Variants in SLC48A1 observed in about 807,000 individuals in gnomAD.
SLC48A1 encodes the protein solute carrier family 48 member 1, also known as heme transporter HRG1.
Under a neutral mutation model 14.8 loss-of-function variants are expected in SLC48A1, and 6 were observed. The observed-to-expected ratio is 0.41, with a 90% confidence interval of 0.22 to 0.80. The LOEUF (loss-of-function observed/expected upper bound fraction) is 0.80. Ranked by LOEUF, SLC48A1 falls within the 30% of genes least tolerant of loss-of-function variation. The pLI, the probability that SLC48A1 is intolerant of heterozygous loss-of-function variation, is 0.34. For missense variants in SLC48A1, 165 were observed against 204.8 expected (o/e 0.81, Z 1.19); for synonymous variants, 89 against 90.0 (o/e 0.99, Z 0.06).
chr12:47,773,289 C>T lies in SLC48A1; in HGVS notation c.-16C>T. 7.1e-7 allele frequency: 1 copy of T among 1,411,778 alleles called. No homozygotes were observed. The highest frequency in any genetic ancestry group is 9.3e-7 in the Non-Finnish European group (1 of 1,078,530). The allele number at this position is 1,411,778 out of a possible 1,614,324, so 87.5% of individuals were successfully genotyped here. A position where few individuals can be genotyped will look rare whatever the true frequency, so the allele number is the denominator to read the frequency against. ...TCGGCCGCGCTCGCCCTCGGCCCGC[C>T]CGGCGCCGCAGCCCCATGGCCCCGT... On this transcript the variant is annotated 5_prime_UTR_variant, in exon 1 of 3. Transcript: ENST00000442218.
At chr12:47,762,692 T>C (rs959763055) in intron 2 of SLC48A1, among the ~76,000 whole-genome samples, 18 of 152,192 alleles carry the variant, frequency 1.2e-4, no homozygotes, top group African/African-American at 3.9e-4. Flanking sequence ...GAAGTAACTT[T>C]CCCAAGGTCA....
At chr12:47,763,757 A>T (rs1565776506) in intron 2 of SLC48A1, among the ~76,000 whole-genome samples, 1 of 152,142 alleles carries the variant, frequency 6.6e-6, no homozygotes, top group Non-Finnish European at 1.5e-5. Flanking sequence ...GATGGGAGGG[A>T]GAGGAGGGAT....
In SLC48A1 at chr12:47,779,178, C is replaced by G. The variant is rs1350088449; in HGVS notation, c.287C>G (p.Ala96Gly). 6.4e-7 allele frequency: 1 copy of G among 1,551,400 alleles called. No homozygotes were observed. The highest frequency in any genetic ancestry group is 1.4e-5 in the African/African-American group (1 of 73,032). ...IAAFCTFLVL[A>G]ITRHQSLTDP... ...GCCTTCTGCACCTTCCTCGTGCTGG[C>G]CATCACCCGGCATCAGAGTGAGGGC... The change falls in exon 2 of 3, where the codon GCC becomes GGC. Residue 96 changes from alanine to glycine, a missense_variant. By Grantham distance (60) the Ala-to-Gly change is moderately conservative. Coordinates refer to ENST00000442218, the MANE Select transcript of SLC48A1 (RefSeq NM_017842.3).
At chr12:47,757,967 G>T (rs992060593), upstream of SLC48A1, 3 of 1,563,464 alleles carry the variant, frequency 1.9e-6, no homozygotes, top group Non-Finnish European at 2.6e-6. Context: ...ATGTTGAGTA[G>T]TGTCCCCTCC....
chr12:47,761,812 A>G (rs1232513074), intron 2 of SLC48A1, among the ~76,000 whole-genome samples: 1 of 152,190 alleles, frequency 6.6e-6, no homozygotes, highest in East Asian at 1.9e-4. Flanking sequence ...CTTTGTATAT[A>G]TTCACTGACT....
intron 1 of SLC48A1, among the ~76,000 whole-genome samples, chr12:47,775,875 G>T (rs1942742130): frequency 6.6e-6 from 1 of 152,226 alleles, no homozygotes; most frequent in African/African-American, 2.4e-5. Flanking sequence ...AGTGGCAGAA[G>T]CAAGACTGGC....
upstream of SLC48A1, chr12:47,769,150 A>G (rs1461057841): frequency 6.6e-6 from 1 of 152,252 alleles, no homozygotes; most frequent in Non-Finnish European, 1.5e-5. Context: ...TCCATTGTTC[A>G]GAACCTGATC....
At chr12:47,756,096 T>G (rs962486067), upstream of SLC48A1, 5 of 152,190 alleles carry the variant, frequency 3.3e-5, no homozygotes, top group African/African-American at 1.2e-4. Context: ...GGCCTTGTTT[T>G]GGTGCCTTTG....
upstream of SLC48A1, among the ~76,000 whole-genome samples, chr12:47,771,961 A>G (rs1436063437): frequency 6.6e-6 from 1 of 151,342 alleles, no homozygotes; most frequent in Non-Finnish European, 1.5e-5. Context: ...AAGGAAACTG[A>G]TTTTCCCCTA....
chr12:47,761,568 G>A (rs1281240557), intron 2 of SLC48A1, among the ~76,000 whole-genome samples: 1 of 152,196 alleles, frequency 6.6e-6, no homozygotes, highest in Non-Finnish European at 1.5e-5. Context: ...CCCTGGATGG[G>A]GACCCGACAG....
rs73304428 is a variant in SLC48A1 at position 47,761,275 on chromosome 12, C to T, written c.-187+874C>T. ...GGGGGAGCCTCAGGGAGCCAAGGAT[C>T]ACTCAAATCGGTGAAAATGAAACTG... On this transcript the variant is annotated intron_variant, in intron 2 of 4. Transcript: ENST00000547002. 4.3e-3 allele frequency among the ~76,000 whole-genome samples: 647 copies of T among 151,842 alleles called. 5 individuals are homozygous for T. The highest frequency in any genetic ancestry group is 0.014 in the African/African-American group (592 of 41,378).
intron 2 of SLC48A1, 27 bp downstream of exon 2, chr12:47,779,222 G>T: frequency 6.5e-7 from 1 of 1,540,920 alleles, no homozygotes; most frequent in Non-Finnish European, 8.8e-7. Context: ...GGGAAAGAGG[G>T]CATGGGAGGG....
chr12:47,768,040 C>A (rs529255218), upstream of SLC48A1, among the ~76,000 whole-genome samples: 3 of 152,100 alleles, frequency 2.0e-5, no homozygotes, highest in South Asian at 6.2e-4. Context: ...TTGAGTGGTG[C>A]GATCTTGGCT....
At position 47,780,573 on chromosome 12, in the gene SLC48A1, T is replaced by C; in HGVS notation, c.*292T>C. 2 of 547,424 alleles carry C rather than the reference T, an allele frequency of 3.7e-6. No individual in the cohort carries two copies. Among genetic ancestry groups the C allele is most frequent in the Non-Finnish European group, 3.5e-6 (1 of 288,140 alleles). 33.9% of individuals were successfully genotyped at this position (547,424 alleles called of 1,614,324 possible). A position where few individuals can be genotyped will look rare whatever the true frequency, so the allele number is the denominator to read the frequency against. ...CTTTTCTTTCTTTTTTTTTTCTTTTTTTTTTTTTTTTGAGATGGAGTCTTA... is the reference window on the plus strand; with the variant it reads ...CTTTTCTTTCTTTTTTTTTTCTTTTCTTTTTTTTTTTGAGATGGAGTCTTA... On this transcript the variant is annotated 3_prime_UTR_variant, in exon 3 of 3. Transcript: ENST00000442218.
chr12:47,761,857 T>C (rs755890709), intron 2 of SLC48A1, among the ~76,000 whole-genome samples: 9 of 152,150 alleles, frequency 5.9e-5, no homozygotes, highest in Admixed American at 1.3e-4. Flanking sequence ...ATAAGGTTGT[T>C]ATTTTTGTTA....
At position 47,773,445 on chromosome 12, in the gene SLC48A1, C is replaced by T; in HGVS notation, c.136+5C>T. 1 of 1,374,726 alleles carries T rather than the reference C, an allele frequency of 7.3e-7. No homozygotes were observed. Among genetic ancestry groups the T allele is most frequent in the Non-Finnish European group, 9.5e-7 (1 of 1,056,646 alleles). 85.2% of individuals were successfully genotyped at this position (1,374,726 alleles called of 1,614,324 possible). ...CGGCCATGGGAGGGCTCGCAGGTAC[C>T]CCGGGACGCTGGGCGGCGCGGGGCG... On this transcript the variant is annotated splice_donor_5th_base_variant and intron_variant, in intron 1 of 2. Coordinates refer to ENST00000442218, the MANE Select transcript of SLC48A1 (RefSeq NM_017842.3).
upstream of SLC48A1, among the ~76,000 whole-genome samples, chr12:47,756,696 C>T (rs898860675): frequency 1.3e-5 from 2 of 152,110 alleles, no homozygotes; most frequent in Non-Finnish European, 2.9e-5. Flanking sequence ...CTCGGCTAGG[C>T]GCAATGGCTC....
At chr12:47,769,573 TCTAA>T (rs2136856462), upstream of SLC48A1, 1 of 152,378 alleles carries the variant, frequency 6.6e-6, no homozygotes, top group South Asian at 2.1e-4. Flanking sequence ...GATATTATAG[TCTAA>T]CTAATCTTCC....
At chr12:47,780,108 C>A in intron 2 of SLC48A1, 37 bp from the exon 3 acceptor site, 1 of 1,508,060 alleles carries the variant, frequency 6.6e-7, no homozygotes, top group Admixed American at 2.2e-5. Flanking sequence ...GAGGGCAGGG[C>A]CTGCCAAAGT....
Sources: allele counts gnomAD v4.1 joint callset (sites outside exome capture counted in the v4.1 genomes callset), GRCh38; gene constraint gnomAD v4.1.1; transcripts MANE v1.5; gene names NCBI Gene and HGNC (gene_info 2026-07-23, HGNC 2026-07-21).